The following ANKH variants were observed in gnomAD, a reference collection of about 807,000 sequenced individuals.
The protein encoded by ANKH is ANKH inorganic pyrophosphate transport regulator, also known as mineralization regulator ANKH.
A neutral mutation model predicts 49.0 loss-of-function variants in ANKH; 15 were observed. The ratio of observed to expected loss-of-function variants is 0.31; its 90% CI spans 0.20 to 0.47. ANKH has a LOEUF of 0.47. ANKH is among the 20% of genes least tolerant of loss of function. The pLI, the probability that ANKH is intolerant of heterozygous loss-of-function variation, is 1.00. For missense variants in ANKH, 429 were observed against 652.0 expected (o/e 0.66, Z 3.72); for synonymous variants, 273 against 260.0 (o/e 1.05, Z -0.48).
At chr5:14,834,093 T>C (rs1422593828) in intron 1 of ANKH, among the ~76,000 whole-genome samples, 6 of 152,156 alleles carry the variant, frequency 3.9e-5, no homozygotes, top group Non-Finnish European at 8.8e-5. Flanking sequence ...ACTTCAGTTA[T>C]TTTATATAAA....
intron 1 of ANKH, among the ~76,000 whole-genome samples, chr5:14,824,519 T>C (rs1442356216): frequency 6.6e-6 from 1 of 152,142 alleles, no homozygotes; most frequent in African/African-American, 2.4e-5. Context: ...ACCCTCAATA[T>C]TGGTTCATAG....
intron 1 of ANKH, among the ~76,000 whole-genome samples, chr5:14,812,426 AG>A (rs1227028006): frequency 6.6e-6 from 1 of 152,138 alleles, no homozygotes; most frequent in Non-Finnish European, 1.5e-5. Flanking sequence ...ATCTGGAAGC[AG>A]GTTTTGCATG....
At chr5:14,816,563 G>T (rs111578110) in intron 1 of ANKH, among the ~76,000 whole-genome samples, 5 of 152,236 alleles carry the variant, frequency 3.3e-5, no homozygotes, top group African/African-American at 1.2e-4. Context: ...TAAAAGCGAC[G>T]TAAAAGCCTC....
intron 1 of ANKH, among the ~76,000 whole-genome samples, chr5:14,791,286 C>T (rs1385504929): frequency 6.6e-6 from 1 of 152,052 alleles, no homozygotes; most frequent in Non-Finnish European, 1.5e-5. Flanking sequence ...AAAGAGGTGG[C>T]CATGTTGACC....
Position 14,795,471 on chromosome 5 carries a change from T to TA in ANKH, c.97-26281dup, listed in dbSNP as rs373976447. Among the ~76,000 whole-genome samples the TA allele has an allele frequency of 6.4e-3, 980 of 152,296 alleles. 7 individuals are homozygous for TA. Among genetic ancestry groups the TA allele is most frequent in the Admixed American group, 0.011 (167 of 15,300 alleles). On this transcript the variant is annotated intron_variant, in intron 1 of 11. Transcript: ENST00000284268. ...TCATGTGCAATTGATTGATAGGATGTAAAAAACCAAGAAGAAAAAATTCTG... is the reference window on the plus strand; with the variant it reads ...TCATGTGCAATTGATTGATAGGATGTAAAAAAACCAAGAAGAAAAAATTCTG...
At position 14,830,922 on chromosome 5, in the gene ANKH, G is replaced by A. The variant is rs186828320; in HGVS notation, c.96+40430C>T. Among the ~76,000 whole-genome samples the A allele has an allele frequency of 6.1e-3, 928 of 152,278 alleles. 11 individuals are homozygous for A. The highest frequency in any genetic ancestry group is 0.021 in the African/African-American group (863 of 41,546). ...CACAGCCCAGGAAACCCTTGGTCCCGGACAAACTGGGTCAGTTGGTCACTC... is the reference window on the plus strand; with the variant it reads ...CACAGCCCAGGAAACCCTTGGTCCCAGACAAACTGGGTCAGTTGGTCACTC... On this transcript the variant is annotated intron_variant, in intron 1 of 11. Transcript: ENST00000284268.
chr5:14,777,038 T>G (rs1739648354), intron 1 of ANKH, among the ~76,000 whole-genome samples: 1 of 152,110 alleles, frequency 6.6e-6, no homozygotes, highest in African/African-American at 2.4e-5. Context: ...TCCCAGCACT[T>G]TAGGAGGCCG....
chr5:14,790,647 G>T (rs534570253), intron 1 of ANKH, among the ~76,000 whole-genome samples: 1 of 152,090 alleles, frequency 6.6e-6, no homozygotes, highest in South Asian at 2.1e-4. Flanking sequence ...TCACTCTGTC[G>T]CCCAGGCTGG....
At position 14,709,218 on chromosome 5, in the gene ANKH, G is replaced by T. The variant is rs1466448455; in HGVS notation, c.*1979C>A. The stretch of plus-strand genomic sequence containing the variant: ...CTGCTTTCTCAGTTTGGATCTTTAA[G>T]CTCCAACCCCAGAAGCATGAAAGTC... On this transcript the variant is annotated 3_prime_UTR_variant, in exon 12 of 12. Transcript: ENST00000284268. The T allele has an allele frequency of 6.6e-6, 1 of 152,114 alleles. No homozygotes were observed. The highest frequency in any genetic ancestry group is 1.5e-5 in the Non-Finnish European group (1 of 68,024). 9.4% of individuals were successfully genotyped at this position (152,114 alleles called of 1,614,324 possible). A position where few individuals can be genotyped will look rare whatever the true frequency, so the allele number is the denominator to read the frequency against.
intron 2 of ANKH, among the ~76,000 whole-genome samples, chr5:14,765,782 C>T (rs1378261434): frequency 6.6e-6 from 1 of 152,154 alleles, no homozygotes; most frequent in Non-Finnish European, 1.5e-5. Flanking sequence ...CATCCTGCTG[C>T]GACCCATTAA....
intron 1 of ANKH, among the ~76,000 whole-genome samples, chr5:14,781,912 C>A (rs957734811): frequency 3.3e-5 from 5 of 152,170 alleles, no homozygotes; most frequent in Admixed American, 3.3e-4. Flanking sequence ...TGAAACAGCA[C>A]CACCAACTCC....
chr5:14,812,317 T>C (rs1420038808), intron 1 of ANKH, among the ~76,000 whole-genome samples: 1 of 152,064 alleles, frequency 6.6e-6, no homozygotes, highest in Non-Finnish European at 1.5e-5. Context: ...GGGACCATGC[T>C]CTCAAAACCC....
chr5:14,819,073 T>C (rs959075114), intron 1 of ANKH, among the ~76,000 whole-genome samples: 1 of 152,188 alleles, frequency 6.6e-6, no homozygotes, highest in African/African-American at 2.4e-5. Flanking sequence ...ACGGAGTTAA[T>C]GACCGGGTTG....
chr5:14,809,758 T>G (rs754976209), intron 1 of ANKH, among the ~76,000 whole-genome samples: 1 of 152,098 alleles, frequency 6.6e-6, no homozygotes. Flanking sequence ...CAGGGACCAC[T>G]TGAATGAGAA....
At chr5:14,829,653 C>A (rs1239371489) in intron 1 of ANKH, among the ~76,000 whole-genome samples, 2 of 152,214 alleles carry the variant, frequency 1.3e-5, no homozygotes, top group Non-Finnish European at 2.9e-5. Flanking sequence ...AACCACAACA[C>A]ATCTTGAGTG....
chr5:14,828,399 C>T (rs552152989), intron 1 of ANKH, among the ~76,000 whole-genome samples: 28 of 151,998 alleles, frequency 1.8e-4, no homozygotes, highest in African/African-American at 6.3e-4. Context: ...GGGTGCCTGG[C>T]GCCTGTAATC....
intron 8 of ANKH, among the ~76,000 whole-genome samples, chr5:14,719,162 C>T (rs1737585922): frequency 1.3e-5 from 2 of 152,224 alleles, no homozygotes; most frequent in Admixed American, 1.3e-4. Context: ...TTCCTATGAG[C>T]TTCTGGCCTC....
At chr5:14,841,532 GGT>G (rs1340567171) in intron 1 of ANKH, among the ~76,000 whole-genome samples, 1 of 152,090 alleles carries the variant, frequency 6.6e-6, no homozygotes, top group East Asian at 1.9e-4. Context: ...CCTGACCTCA[GGT>G]GATCCATGCA....
intron 6 of ANKH, among the ~76,000 whole-genome samples, chr5:14,746,222 G>C (rs1738535158): frequency 6.6e-6 from 1 of 152,032 alleles, no homozygotes; most frequent in African/African-American, 2.4e-5. Context: ...AAACGAGGGG[G>C]ATGCGTCACA....
Sources: allele counts gnomAD v4.1 joint callset (sites outside exome capture counted in the v4.1 genomes callset), GRCh38; gene constraint gnomAD v4.1.1; transcripts MANE v1.5; gene names NCBI Gene and HGNC (gene_info 2026-07-23, HGNC 2026-07-21).